The following STOX2 variants were observed in gnomAD, a reference collection of about 807,000 sequenced individuals.
STOX2 encodes storkhead-box protein 2.
In STOX2, 28 loss-of-function variants were observed where a neutral mutation model predicts 60.9. That is an observed-to-expected ratio of 0.46 (90% CI 0.34 to 0.63). The LOEUF is 0.63. Ranked by LOEUF, STOX2 falls within the 30% of genes least tolerant of loss-of-function variation. The probability of loss-of-function intolerance (pLI) is 0.01; values close to 1 mark genes in which losing one functional copy is unlikely to be tolerated. For synonymous variants in STOX2, 472 were observed against 463.9 expected, an observed-to-expected ratio of 1.02 and a Z score of -0.22; for missense variants, 1,024 against 1,187.7, an observed-to-expected ratio of 0.86 and a Z score of 2.03.
intron 1 of STOX2, among the ~76,000 whole-genome samples, chr4:183,896,948 G>A (rs1425222993): frequency 1.3e-5 from 2 of 152,096 alleles, no homozygotes; most frequent in Non-Finnish European, 2.9e-5. Context: ...TGTCATTTGG[G>A]GGTTAGTTAA....
At chr4:183,835,155 C>G (rs1314891342) in intron 1 of STOX2, among the ~76,000 whole-genome samples, 2 of 150,068 alleles carry the variant, frequency 1.3e-5, no homozygotes, top group Non-Finnish European at 3.0e-5. Context: ...GCTTTTTCAT[C>G]TGAGAATAGG....
intron 1 of STOX2, among the ~76,000 whole-genome samples, chr4:183,867,944 T>G (rs1740608389): frequency 6.6e-6 from 1 of 152,204 alleles, no homozygotes. Flanking sequence ...ACAGTCAGAA[T>G]TTTCCCTCTG....
chr4:183,822,495 A>T (rs1218401235), intron 1 of STOX2, among the ~76,000 whole-genome samples: 2 of 152,196 alleles, frequency 1.3e-5, no homozygotes, highest in Non-Finnish European at 2.9e-5. Context: ...CTGCAACTAG[A>T]CGGTCCCATC....
At chr4:183,926,408 A>G (rs1018391879) in intron 1 of STOX2, among the ~76,000 whole-genome samples, 48 of 152,322 alleles carry the variant, frequency 3.2e-4, no homozygotes, top group African/African-American at 1.1e-3. Flanking sequence ...TGAGGCCCTC[A>G]TAGGAGCCAG....
intron 1 of STOX2, among the ~76,000 whole-genome samples, chr4:183,896,425 C>T (rs1741341068): frequency 6.6e-6 from 1 of 152,218 alleles, no homozygotes; most frequent in Non-Finnish European, 1.5e-5. Flanking sequence ...TCACTGCAGC[C>T]TCCATCTCCC....
At chr4:183,899,150 G>A (rs1741407111) in intron 1 of STOX2, among the ~76,000 whole-genome samples, 1 of 152,128 alleles carries the variant, frequency 6.6e-6, no homozygotes, top group African/African-American at 2.4e-5. Context: ...ATATAAGATG[G>A]CAAACTTGAT....
chr4:183,807,835 G>A (rs552276043), intron 1 of STOX2, among the ~76,000 whole-genome samples: 11 of 152,316 alleles, frequency 7.2e-5, no homozygotes, highest in African/African-American at 9.6e-5. Context: ...GAAGATAGAG[G>A]AAGAGGAGGT....
Position 184,011,651 on chromosome 4 carries a change from C to T in STOX2, c.2585+228C>T. The stretch of plus-strand genomic sequence containing the variant: ...ATCTGGACTGGTGGGTTGGCTCCTC[C>T]CCTCAAACTTGCATCAGTCTGATCT... On this transcript the variant is annotated intron_variant, in intron 3 of 3. Coordinates refer to ENST00000308497, the MANE Select transcript of STOX2 (RefSeq NM_020225.3). The surrounding 1 kb of genome is among the most constrained non-coding windows in gnomAD (Gnocchi z 4.4). 1 of 1,495,832 alleles carries T rather than the reference C, an allele frequency of 6.7e-7. No individual in the cohort carries two copies. The highest frequency in any genetic ancestry group is 1.3e-5 in the South Asian group (1 of 79,982). 92.7% of individuals were successfully genotyped at this position (1,495,832 alleles called of 1,614,324 possible).
At chr4:183,948,623 C>G (rs766824237) in intron 1 of STOX2, among the ~76,000 whole-genome samples, 8 of 145,318 alleles carry the variant, frequency 5.5e-5, no homozygotes, top group Non-Finnish European at 1.0e-4. Flanking sequence ...CCTCTGCCTC[C>G]CGGGTTCAAG....
At chr4:183,938,681 A>T (rs939067856) in intron 1 of STOX2, among the ~76,000 whole-genome samples, 1 of 151,996 alleles carries the variant, frequency 6.6e-6, no homozygotes, top group African/African-American at 2.4e-5. Context: ...AAAAAAAAAA[A>T]AAAAAAAAAA....
chr4:183,939,665 A>G (rs1452388689), intron 1 of STOX2, among the ~76,000 whole-genome samples: 1 of 151,334 alleles, frequency 6.6e-6, no homozygotes, highest in East Asian at 1.9e-4. Flanking sequence ...GTTGCTGGAG[A>G]GAGAGGGACT....
intron 1 of STOX2, among the ~76,000 whole-genome samples, chr4:183,996,841 A>AGTT (rs1733366222): frequency 6.6e-6 from 1 of 152,068 alleles, no homozygotes; most frequent in Admixed American, 6.5e-5. Flanking sequence ...TTTCTCATGC[A>AGTT]GTTAATTGGG....
chr4:184,006,265 A>T (rs757304693), intron 2 of STOX2, among the ~76,000 whole-genome samples: 12 of 152,192 alleles, frequency 7.9e-5, no homozygotes, highest in Non-Finnish European at 1.5e-4. Flanking sequence ...GTGTTTGAAA[A>T]AGTTTGTCAC....
Position 183,906,709 on chromosome 4 carries a change from C to T in STOX2, c.-82C>T, listed in dbSNP as rs987691844. 1.2e-5 allele frequency: 16 copies of T among 1,376,920 alleles called. No homozygotes were observed. Among genetic ancestry groups the T allele is most frequent in the Non-Finnish European group, 1.5e-5 (16 of 1,042,004 alleles). 85.3% of individuals were successfully genotyped at this position (1,376,920 alleles called of 1,614,324 possible). A position where few individuals can be genotyped will look rare whatever the true frequency, so the allele number is the denominator to read the frequency against. ...GTGCGCAGAGTCCGCCCGGGTCGTG[C>T]CCGCCGTAGACGGATGAAGGAGCGC... On this transcript the variant is annotated 5_prime_UTR_variant, in exon 1 of 4. Coordinates refer to ENST00000308497, the MANE Select transcript of STOX2 (RefSeq NM_020225.3).
intron 1 of STOX2, among the ~76,000 whole-genome samples, chr4:183,989,120 C>T (rs113389228): frequency 2.0e-5 from 3 of 151,244 alleles, no homozygotes; most frequent in Non-Finnish European, 2.9e-5. Context: ...CTATCTCGCT[C>T]GCTGCTCTGA....
At chr4:183,923,673 T>A (rs1742162615) in intron 1 of STOX2, among the ~76,000 whole-genome samples, 1 of 152,218 alleles carries the variant, frequency 6.6e-6, no homozygotes, top group South Asian at 2.1e-4. Flanking sequence ...GTGTGTGCTA[T>A]GAGGTAGTGC....
chr4:183,914,527 A>G (rs1250189382), intron 1 of STOX2, among the ~76,000 whole-genome samples: 1 of 152,272 alleles, frequency 6.6e-6, no homozygotes, highest in African/African-American at 2.4e-5. Flanking sequence ...ACCTGCAGAA[A>G]GTGAGCAGAG....
rs565944187 is a variant in STOX2, at chr4:183,894,772, T to C, written c.364+96717T>C. Among the ~76,000 whole-genome samples the C allele has an allele frequency of 2.8e-4, 43 of 152,284 alleles. No individual in the cohort carries two copies. The South Asian group carries it at 4.1e-3, about 15-fold the overall frequency. ...GCTCTGTGGTGACCTGCAAACAGAA[T>C]TGAGAAAAGAAAACTTTCAAGACTG... On this transcript the variant is annotated intron_variant, in intron 1 of 2. Coordinates refer to the STOX2 transcript ENST00000513034.
intron 1 of STOX2, among the ~76,000 whole-genome samples, chr4:183,980,992 A>G (rs1465756089): frequency 6.6e-6 from 1 of 152,190 alleles, no homozygotes; most frequent in Non-Finnish European, 1.5e-5. Flanking sequence ...GAGCTCTAGG[A>G]CTCAATAGCA....
Sources: gnomAD v4.1 joint callset for allele counts (sites outside exome capture counted in the v4.1 genomes callset) on GRCh38, gnomAD v4.1.1 for gene constraint, Gnocchi (gnomAD v3.1) non-coding constraint, MANE v1.5 for transcripts, NCBI Gene and HGNC (gene_info 2026-07-23, HGNC 2026-07-21) for gene names.